Variants in HS3ST4 observed in about 807,000 individuals in gnomAD.
HS3ST4 encodes heparan sulfate-glucosamine 3-sulfotransferase 4.
A neutral mutation model predicts 29.2 loss-of-function variants in HS3ST4; 17 were observed. That is an observed-to-expected ratio of 0.58 (90% CI 0.40 to 0.87). The LOEUF is 0.87. Ranked by LOEUF, HS3ST4 falls within the 40% of genes least tolerant of loss-of-function variation. HS3ST4 has a pLI of 0.00. For missense variants in HS3ST4, 627 were observed against 634.5 expected (o/e 0.99, Z 0.13); for synonymous variants, 314 against 285.7 (o/e 1.10, Z -1.00).
chr16:25,705,278 G>A (rs982304881), intron 1 of HS3ST4, among the ~76,000 whole-genome samples: 1 of 152,130 alleles, frequency 6.6e-6, no homozygotes, highest in Non-Finnish European at 1.5e-5. Context: ...TTAGAGATTT[G>A]GGAGCCCCTG....
rs114011854 is a variant in HS3ST4 at position 25,835,516 on chromosome 16, C to T, written c.734+142365C>T. On this transcript the variant is annotated intron_variant, in intron 1 of 1. Transcript: ENST00000331351. The stretch of plus-strand genomic sequence containing the variant: ...TGAAAAAAAAAATCAAGTTGGCTAA[C>T]GTTGATTGAGCATTGTACCTACCAT... Among the ~76,000 whole-genome samples, 1,415 of 151,612 alleles carry T rather than the reference C, an allele frequency of 9.3e-3. 24 individuals carry two copies. Among genetic ancestry groups the T allele is most frequent in the African/African-American group, 0.033 (1,348 of 41,372 alleles).
intron 1 of HS3ST4, among the ~76,000 whole-genome samples, chr16:25,991,771 C>T (rs1436160130): frequency 6.6e-6 from 1 of 152,098 alleles, no homozygotes; most frequent in Non-Finnish European, 1.5e-5. Flanking sequence ...CCTGTAATCC[C>T]AGCACTTTGG....
At chr16:25,904,121 TG>T (rs1968152150) in intron 1 of HS3ST4, among the ~76,000 whole-genome samples, 4 of 108,820 alleles carry the variant, frequency 3.7e-5, no homozygotes, top group Admixed American at 8.4e-5. Flanking sequence ...GATGGATGGA[TG>T]GATGGATGGA....
intron 1 of HS3ST4, among the ~76,000 whole-genome samples, chr16:26,065,946 A>G (rs560764511): frequency 7.9e-5 from 12 of 152,366 alleles, no homozygotes; most frequent in Admixed American, 3.3e-4. Context: ...AAACAGGACA[A>G]CAAAATAATT....
intron 1 of HS3ST4, among the ~76,000 whole-genome samples, chr16:25,850,711 C>T (rs1967511330): frequency 6.6e-6 from 1 of 152,190 alleles, no homozygotes; most frequent in South Asian, 2.1e-4. Context: ...ATTCCTGCTG[C>T]ATCTGGAAGG....
At chr16:26,057,355 G>T (rs1434728228) in intron 1 of HS3ST4, among the ~76,000 whole-genome samples, 2 of 152,148 alleles carry the variant, frequency 1.3e-5, no homozygotes, top group African/African-American at 2.4e-5. Flanking sequence ...TGCTTCTCTT[G>T]CCCAGGGTAC....
At chr16:26,067,119 C>T (rs1243979575) in intron 1 of HS3ST4, among the ~76,000 whole-genome samples, 1 of 152,086 alleles carries the variant, frequency 6.6e-6, no homozygotes, top group East Asian at 1.9e-4. Flanking sequence ...TGGTTTGTCC[C>T]TCATCATCTC....
chr16:25,811,613 A>G (rs542020737), intron 1 of HS3ST4, among the ~76,000 whole-genome samples: 1 of 151,442 alleles, frequency 6.6e-6, no homozygotes, highest in Middle Eastern at 3.4e-3. Flanking sequence ...TTGTATTTTT[A>G]GTAGAGACGG....
chr16:25,887,723 A>C (rs1289257618), intron 1 of HS3ST4, among the ~76,000 whole-genome samples: 1 of 101,792 alleles, frequency 9.8e-6, no homozygotes, highest in East Asian at 3.1e-4. Context: ...TTTGAGATGG[A>C]GTCTTGCTCC....
intron 1 of HS3ST4, among the ~76,000 whole-genome samples, chr16:25,821,417 C>T (rs1402027762): frequency 6.6e-6 from 1 of 151,892 alleles, no homozygotes; most frequent in Non-Finnish European, 1.5e-5. Flanking sequence ...TGTCCTTTGC[C>T]CATTTTTTCT....
intron 1 of HS3ST4, among the ~76,000 whole-genome samples, chr16:25,719,937 T>C (rs904264309): frequency 6.6e-6 from 1 of 152,198 alleles, no homozygotes; most frequent in Non-Finnish European, 1.5e-5. Context: ...AAAATGCTCA[T>C]TGTAGTGTCT....
intron 1 of HS3ST4, among the ~76,000 whole-genome samples, chr16:25,983,389 G>A (rs928578100): frequency 6.6e-6 from 1 of 152,188 alleles, no homozygotes; most frequent in Non-Finnish European, 1.5e-5. Flanking sequence ...GACATCAAAT[G>A]GGATGACGTG....
At chr16:25,929,739 C>T (rs923016678) in intron 1 of HS3ST4, among the ~76,000 whole-genome samples, 1 of 152,196 alleles carries the variant, frequency 6.6e-6, no homozygotes, top group Non-Finnish European at 1.5e-5. Flanking sequence ...CAGCTATGTT[C>T]AGCTTGTCTG....
At chr16:25,811,294 T>G (rs1967039303) in intron 1 of HS3ST4, among the ~76,000 whole-genome samples, 1 of 152,064 alleles carries the variant, frequency 6.6e-6, no homozygotes, top group Non-Finnish European at 1.5e-5. Flanking sequence ...TTCTCCTTCC[T>G]CCTCTTCCTC....
chr16:25,928,142 G>A (rs976572102), intron 1 of HS3ST4, among the ~76,000 whole-genome samples: 2 of 149,472 alleles, frequency 1.3e-5, no homozygotes, highest in Admixed American at 6.7e-5. Context: ...GCTGCAATAA[G>A]CTATGATCAC....
At chr16:25,908,419 G>T (rs1279895444) in intron 1 of HS3ST4, among the ~76,000 whole-genome samples, 1 of 152,178 alleles carries the variant, frequency 6.6e-6, no homozygotes, top group Non-Finnish European at 1.5e-5. Flanking sequence ...GAGATCAGTT[G>T]GTTGATCCAC....
intron 1 of HS3ST4, among the ~76,000 whole-genome samples, chr16:25,988,808 A>G (rs1467755737): frequency 1.3e-5 from 2 of 152,142 alleles, no homozygotes; most frequent in Non-Finnish European, 2.9e-5. Flanking sequence ...TCAAACCCTC[A>G]TGACACAAGT....
chr16:26,075,948 T>G (rs1195283093), intron 1 of HS3ST4, among the ~76,000 whole-genome samples: 1 of 152,308 alleles, frequency 6.6e-6, no homozygotes, highest in African/African-American at 2.4e-5. Context: ...TAATAGTTTG[T>G]CCCTAGCCTT....
intron 1 of HS3ST4, among the ~76,000 whole-genome samples, chr16:25,739,202 C>T (rs573260847): frequency 2.6e-5 from 4 of 152,138 alleles, no homozygotes; most frequent in South Asian, 2.1e-4. Context: ...ATTAGCTAGG[C>T]GTGGTGGCGG....
Sources: gnomAD v4.1 joint callset for allele counts (sites outside exome capture counted in the v4.1 genomes callset) on GRCh38, gnomAD v4.1.1 for gene constraint, MANE v1.5 for transcripts, NCBI Gene and HGNC (gene_info 2026-07-23, HGNC 2026-07-21) for gene names.